CYP26C1: variants seen among roughly 807,000 people sequenced by gnomAD.
The protein encoded by CYP26C1 is cytochrome P450 26C1.
Under a neutral mutation model 39.1 loss-of-function variants are expected in CYP26C1, and 41 were observed. The observed-to-expected ratio is 1.05, with a 90% CI of 0.82 to 1.36. The LOEUF is 1.36. Among genes scored for constraint, CYP26C1 ranks in the 40% most tolerant of loss-of-function variants. CYP26C1 has a pLI of 0.00. For missense variants in CYP26C1, 833 were observed against 752.0 expected (o/e 1.11, Z -1.26); for synonymous variants, 362 against 350.8 (o/e 1.03, Z -0.36).
Position 93,062,869 on chromosome 10 carries a change from C to G in CYP26C1, c.579C>G (p.Ala193=), listed in dbSNP as rs767023614. 58 of 1,603,040 alleles carry G rather than the reference C, an allele frequency of 3.6e-5. No homozygotes were observed. Among genetic ancestry groups the G allele is most frequent in the Non-Finnish European group, 4.8e-5 (57 of 1,178,976 alleles). The part of the protein sequence containing the change: ...DASKALTFRM[A]ARILLGLRLD... Reference sequence around the variant, plus strand: ...CCAAAGCGCTCACCTTCCGCATGGCCGCGCGCATCCTGCTGGGGTTGCGGC... The same window carrying G: ...CCAAAGCGCTCACCTTCCGCATGGCGGCGCGCATCCTGCTGGGGTTGCGGC... The change falls in exon 3 of 6, where the codon GCC becomes GCG. Residue 193 remains alanine, a synonymous_variant. Transcript: ENST00000651965.
At chr10:93,067,975 A>G (rs1846847969) in intron 5 of CYP26C1, among the ~76,000 whole-genome samples, 1 of 152,218 alleles carries the variant, frequency 6.6e-6, no homozygotes. Context: ...GAAGAAAAAA[A>G]GACAAAACCA....
rs1330042843 is a variant in CYP26C1, at chr10:93,062,017, G to C, written c.212G>C (p.Arg71Pro). 2.6e-6 allele frequency: 4 copies of C among 1,562,770 alleles called. No homozygotes were observed. The African/African-American group carries it at 5.4e-5, about 21-fold the overall frequency. Residue 71 changes from arginine (R) to proline (P), a missense_variant, in exon 2 of 6, where the codon CGC (arginine) becomes CCC (proline). Coordinates refer to ENST00000651965, the MANE Select transcript of CYP26C1 (RefSeq NM_183374.3). Reference protein sequence around the residue: ...ETLHWLVQGSRFHSSRRERYG... With the variant: ...ETLHWLVQGSPFHSSRRERYG... Reference sequence around the variant, plus strand: ...CCTCCGCCTCGCCCGCAGGGCTCGCGCTTCCACAGTTCTCGCCGAGAGCGC... The same window carrying C: ...CCTCCGCCTCGCCCGCAGGGCTCGCCCTTCCACAGTTCTCGCCGAGAGCGC...
intron 1 of CYP26C1, 117 bp downstream of exon 1, chr10:93,061,584 C>T: frequency 7.6e-7 from 1 of 1,316,532 alleles, no homozygotes; most frequent in Non-Finnish European, 1.1e-6. Flanking sequence ...CCATCGCCCA[C>T]GACCCCGGGA....
chr10:93,063,330 A>G lies in CYP26C1; in HGVS notation c.705+335A>G, dbSNP rs1418889847. 2.8e-6 allele frequency: 3 copies of G among 1,085,294 alleles called. No homozygotes were observed. The African/African-American group carries it at 4.9e-5, about 18-fold the overall frequency. The allele number at this position is 1,085,294 out of a possible 1,614,324, so 67.2% of individuals were successfully genotyped here. Reference sequence around the variant, plus strand: ...GCCAGTCGGTCGGACTCCTTCCCACAGCGGCGCCCCTGGGGCCGGCCTCCA... The same window carrying G: ...GCCAGTCGGTCGGACTCCTTCCCACGGCGGCGCCCCTGGGGCCGGCCTCCA... On this transcript the variant is annotated intron_variant, in intron 3 of 5. Transcript: ENST00000651965.
chr10:93,061,553 G>A, intron 1 of CYP26C1, 86 bp downstream of exon 1: 1 of 1,482,248 alleles, frequency 6.7e-7, no homozygotes, highest in Admixed American at 2.1e-5. Context: ...AATGCCCATG[G>A]GATTTGTAGC....
intron 3 of CYP26C1, chr10:93,063,333 G>T (rs1189213292): frequency 9.2e-7 from 1 of 1,083,132 alleles, no homozygotes; most frequent in African/African-American, 1.7e-5. Context: ...TTCCCACAGC[G>T]GCGCCCCTGG....
In CYP26C1 at chr10:93,068,761, T is replaced by G; in HGVS notation, c.*64T>G. 6.8e-7 allele frequency: 1 copy of G among 1,463,562 alleles called. No homozygotes were observed. The highest frequency in any genetic ancestry group is 1.5e-5 in the South Asian group (1 of 67,582). The allele number at this position is 1,463,562 out of a possible 1,614,324, so 90.7% of individuals were successfully genotyped here. A position where few individuals can be genotyped will look rare whatever the true frequency, so the allele number is the denominator to read the frequency against. On this transcript the variant is annotated 3_prime_UTR_variant, in exon 6 of 6. Transcript: ENST00000651965. ...TGGCGCGCACGCAGCGCCACCCATC[T>G]GCCGCTCCCCATTGTAGCGTCGCGC...
In CYP26C1 at chr10:93,068,748, A is replaced by G; in HGVS notation, c.*51A>G. 2.7e-6 allele frequency: 4 copies of G among 1,461,802 alleles called. No homozygotes were observed. In the South Asian group the frequency reaches 4.5e-5, roughly 16 times the overall value. The allele number at this position is 1,461,802 out of a possible 1,614,324, so 90.6% of individuals were successfully genotyped here. A position where few individuals can be genotyped will look rare whatever the true frequency, so the allele number is the denominator to read the frequency against. ...TGGCCGGTGGCTATGGCGCGCACGC[A>G]GCGCCACCCATCTGCCGCTCCCCAT... On this transcript the variant is annotated 3_prime_UTR_variant, in exon 6 of 6. Transcript: ENST00000651965.
intron 4 of CYP26C1, among the ~76,000 whole-genome samples, chr10:93,065,720 CG>C (rs137940362): frequency 4.9e-4 from 74 of 152,314 alleles, no homozygotes; most frequent in Non-Finnish European, 9.0e-4. Context: ...CATCGCAAGG[CG>C]GGTGGATAGA....
Position 93,062,135 on chromosome 10 carries a change from C to T in CYP26C1, c.330C>T (p.His110=). The stretch of plus-strand genomic sequence containing the variant: ...TGCGCACCATCCTGCTGGGCGAGCA[C>T]CGCCTGGTGCGCAGCCAGTGGCCGC... ...ENVRTILLGE[H]RLVRSQWPQS... The change falls in exon 2 of 6, where the codon CAC becomes CAT. Residue 110 remains histidine, a synonymous_variant. Transcript: ENST00000651965. 2 of 1,546,690 alleles carry T rather than the reference C, an allele frequency of 1.3e-6. No homozygotes were observed. The highest frequency in any genetic ancestry group is 1.7e-6 in the Non-Finnish European group (2 of 1,147,966).
chr10:93,063,782 G>C, intron 3 of CYP26C1: 1 of 984,294 alleles, frequency 1.0e-6, no homozygotes, highest in Non-Finnish European at 1.2e-6. Context: ...CACACCGTTA[G>C]TAGGGGCACG....
In CYP26C1 at chr10:93,065,966, TG is replaced by T; in HGVS notation, c.874del (p.Glu292SerfsTer116). 6.3e-7 allele frequency: 1 copy of T among 1,582,314 alleles called. No homozygotes were observed. Among genetic ancestry groups the T allele is most frequent in the African/African-American group, 1.4e-5 (1 of 72,124 alleles). ...PSMQELKESA[V>X]ELLFAAFFTT... ...GGGGCTGTCTTGCAGGAGTCGGCTG[TG>T]GAGCTCCTCTTCGCCGCCTTCTTCA... On this transcript the variant is annotated frameshift_variant, in exon 5 of 6. Coordinates refer to ENST00000651965, the MANE Select transcript of CYP26C1 (RefSeq NM_183374.3). LOFTEE classifies it high-confidence loss of function.
chr10:93,065,644 T>A (rs1846815158), intron 4 of CYP26C1, among the ~76,000 whole-genome samples: 1 of 152,220 alleles, frequency 6.6e-6, no homozygotes, highest in African/African-American at 2.4e-5. Context: ...GAGAACCGAA[T>A]GAGTGAATAT....
rs1005465144 is a variant in CYP26C1 at position 93,065,706 on chromosome 10, G to A, written c.862-250G>A. ...GAGTAAGTTCCCGCATTCTCTCTGG[G>A]AACCATCGCAAGGCGGGTGGATAGA... On this transcript the variant is annotated intron_variant, in intron 4 of 5. Coordinates refer to ENST00000651965, the MANE Select transcript of CYP26C1 (RefSeq NM_183374.3). Among the ~76,000 whole-genome samples, 13 of 152,322 alleles carry A rather than the reference G, an allele frequency of 8.5e-5. 1 individual carries two copies. The South Asian group carries it at 2.7e-3, about 32-fold the overall frequency.
At position 93,061,349 on chromosome 10, in the gene CYP26C1, C is replaced by T. The variant is rs1390391654; in HGVS notation, c.86C>T (p.Ala29Val). ...LLCAGLLLSL[A>V]QHLWTLRWML... ...TGCGCGGGCCTGCTGCTCAGCCTGG[C>T]CCAGCACCTCTGGACCCTCCGCTGG... The change falls in exon 1 of 6, where the codon GCC becomes GTC. Residue 29 changes from alanine to valine, a missense_variant. Physicochemically the swap from Ala to Val is moderately conservative, Grantham distance 64. Transcript: ENST00000651965. The T allele has an allele frequency of 3.2e-6, 5 of 1,585,628 alleles. No individual in the cohort carries two copies. The highest frequency in any genetic ancestry group is 1.7e-6 in the Non-Finnish European group (2 of 1,166,526).
intron 3 of CYP26C1, 39 bp from the exon 4 acceptor site, chr10:93,064,342 G>T (rs749129350): frequency 1.9e-6 from 3 of 1,587,696 alleles, no homozygotes; most frequent in Non-Finnish European, 2.6e-6. Flanking sequence ...GGCCCCCTTA[G>T]CCTTCCTGCC....
chr10:93,067,112 C>T (rs971323863), intron 5 of CYP26C1, among the ~76,000 whole-genome samples: 1 of 152,230 alleles, frequency 6.6e-6, no homozygotes, highest in South Asian at 2.1e-4. Flanking sequence ...CCACAGTGAA[C>T]ATTTGTGGCA....
chr10:93,064,156 T>C, intron 3 of CYP26C1: 2 of 1,309,234 alleles, frequency 1.5e-6, no homozygotes, highest in South Asian at 1.8e-5. Context: ...CTGCTGTGGC[T>C]CAGAGGGGGA....
chr10:93,066,137 C>A lies in CYP26C1; in HGVS notation c.1043C>A (p.Pro348His). Reference protein sequence around the residue: ...APGAAGGSEGPPPDCGCEPDL... With the variant: ...APGAAGGSEGHPPDCGCEPDL... Reference sequence around the variant, plus strand: ...GGGGCCGCTGGGGGCAGCGAGGGGCCCCCGCCCGACTGCGGCTGCGAGCCC... The same window carrying A: ...GGGGCCGCTGGGGGCAGCGAGGGGCACCCGCCCGACTGCGGCTGCGAGCCC... The change falls in exon 5 of 6, where the codon CCC (proline) becomes CAC (histidine). Residue 348 changes from proline (P) to histidine (H), a missense_variant. By Grantham distance (77) the Pro-to-His change is moderately conservative. Transcript: ENST00000651965. 1 of 1,353,082 alleles carries A rather than the reference C, an allele frequency of 7.4e-7. No homozygotes were observed. Among genetic ancestry groups the A allele is most frequent in the Non-Finnish European group, 9.5e-7 (1 of 1,054,112 alleles). The allele number at this position is 1,353,082 out of a possible 1,614,324, so 83.8% of individuals were successfully genotyped here.
Sources: gnomAD v4.1 joint callset for allele counts (sites outside exome capture counted in the v4.1 genomes callset) on GRCh38, gnomAD v4.1.1 for gene constraint, MANE v1.5 for transcripts, NCBI Gene and HGNC (gene_info 2026-07-23, HGNC 2026-07-21) for gene names.